Variants in AMZ1 observed in about 807,000 individuals in gnomAD.
AMZ1 encodes archaelysin family metallopeptidase 1.
AMZ1 carries 39 observed loss-of-function variants against 29.9 expected under a neutral mutation model. The observed-to-expected ratio is 1.30, with a 90% CI of 1.01 to 1.70. AMZ1 has a LOEUF of 1.70. AMZ1 is among the 40% of genes most tolerant of loss of function. AMZ1 has a pLI of 0.00. For missense variants in AMZ1, 1,041 were observed against 680.6 expected (o/e 1.53, Z -5.89); for synonymous variants, 458 against 304.0 (o/e 1.51, Z -5.27).
chr7:2,700,573 G>A lies in AMZ1; in HGVS notation c.122G>A (p.Arg41Gln), dbSNP rs370063647. 1.5e-5 allele frequency: 24 copies of A among 1,610,032 alleles called. No individual in the cohort carries two copies. Among genetic ancestry groups the A allele is most frequent in the Middle Eastern group, 1.6e-4 (1 of 6,084 alleles). ...GTGTCCGCCTTCTCCCCTGCCGAGC[G>A]GCTCTTCCTGGCCGAGGCCTACAAC... ...LYVSAFSPAERLFLAEAYNPQ... is the reference protein window; with the variant it reads ...LYVSAFSPAEQLFLAEAYNPQ... Residue 41 changes from arginine to glutamine, a missense_variant, in exon 2 of 7, where the codon CGG becomes CAG. Coordinates refer to ENST00000683327, the MANE Select transcript of AMZ1 (RefSeq NM_001384743.1).
intron 3 of AMZ1, among the ~76,000 whole-genome samples, chr7:2,707,592 G>A (rs1194052099): frequency 1.3e-5 from 2 of 152,046 alleles, no homozygotes; most frequent in Admixed American, 6.6e-5. Context: ...TTGCTAGCTT[G>A]GATGACCCAC....
upstream of AMZ1, among the ~76,000 whole-genome samples, chr7:2,687,454 C>CGAGG (rs1787125711): frequency 6.6e-6 from 1 of 152,128 alleles, no homozygotes; most frequent in African/African-American, 2.4e-5. Context: ...GGAGGCTGCC[C>CGAGG]GAGGGAAGCT....
chr7:2,720,501 T>C (rs149527493), downstream of AMZ1, among the ~76,000 whole-genome samples: 734 of 152,100 alleles, frequency 4.8e-3, 8 homozygotes, highest in African/African-American at 0.017. Flanking sequence ...CCTTCTGGGT[T>C]CAAACGATTC....
intron 4 of AMZ1, among the ~76,000 whole-genome samples, chr7:2,743,232 C>T (rs1412644474): frequency 1.3e-5 from 2 of 152,184 alleles, no homozygotes; most frequent in Admixed American, 1.3e-4. Context: ...AAGCAACCAC[C>T]AGCACAGGCA....
At chr7:2,720,528 C>T (rs936185001), downstream of AMZ1, among the ~76,000 whole-genome samples, 3 of 151,844 alleles carry the variant, frequency 2.0e-5, no homozygotes, top group Non-Finnish European at 4.4e-5. Context: ...CTCAGCCTCC[C>T]AAGTAGCTGG....
At chr7:2,679,830 G>C (rs1398289225) in intron 1 of AMZ1, among the ~76,000 whole-genome samples, 2 of 152,270 alleles carry the variant, frequency 1.3e-5, no homozygotes, top group Non-Finnish European at 2.9e-5. Flanking sequence ...AGAAAGGACA[G>C]AGTCTGGAGC....
In AMZ1 at chr7:2,715,953, C is replaced by T. The variant is rs1003678293; in HGVS notation, c.*3075C>T. ...AACACGTGCAAAGTCCACTGAATTG[C>T]TTTCTCGTCTCATCTGTCAGAAGCC... On this transcript the variant is annotated 3_prime_UTR_variant, in exon 7 of 7. Coordinates refer to ENST00000683327, the MANE Select transcript of AMZ1 (RefSeq NM_001384743.1). 3.3e-5 allele frequency: 5 copies of T among 152,224 alleles called. No homozygotes were observed. The highest frequency in any genetic ancestry group is 4.4e-5 in the Non-Finnish European group (3 of 68,046). 9.4% of individuals were successfully genotyped at this position (152,224 alleles called of 1,614,324 possible). A position where few individuals can be genotyped will look rare whatever the true frequency, so the allele number is the denominator to read the frequency against.
At chr7:2,698,020 A>G (rs770305567) in intron 1 of AMZ1, among the ~76,000 whole-genome samples, 4 of 152,242 alleles carry the variant, frequency 2.6e-5, no homozygotes, top group Non-Finnish European at 4.4e-5. Context: ...TATAAATTAC[A>G]TATATCAAAT....
At chr7:2,759,565 G>A (rs947670207) in intron 4 of AMZ1, among the ~76,000 whole-genome samples, 7 of 152,362 alleles carry the variant, frequency 4.6e-5, no homozygotes, top group African/African-American at 1.7e-4. Context: ...TAGTGGTGAC[G>A]CTGGGGTGGC....
At chr7:2,753,804 T>C (rs147347280) in intron 4 of AMZ1, among the ~76,000 whole-genome samples, 3,612 of 152,246 alleles carry the variant, frequency 0.024, 100 homozygotes, top group Middle Eastern at 0.075. Flanking sequence ...TAAGTTTTTG[T>C]TTCTTCAGTT....
Position 2,709,491 on chromosome 7 carries a change from C to T in AMZ1, c.772-149C>T, listed in dbSNP as rs553387559. On this transcript the variant is annotated intron_variant, in intron 5 of 6. Transcript: ENST00000683327. ...CTGGGGCCCTGAAAGTGGCCTGTGCCGCCTGGGGCAGGGGGAGGGCGCCTG... is the reference window on the plus strand; with the variant it reads ...CTGGGGCCCTGAAAGTGGCCTGTGCTGCCTGGGGCAGGGGGAGGGCGCCTG... 2.4e-4 allele frequency: 303 copies of T among 1,282,516 alleles called. 1 individual carries two copies. Among genetic ancestry groups the T allele is most frequent in the South Asian group, 1.5e-3 (97 of 66,724 alleles). The allele number at this position is 1,282,516 out of a possible 1,614,324, so 79.4% of individuals were successfully genotyped here.
rs540537228 is a variant in AMZ1 at position 2,709,061 on chromosome 7, C to T, written c.602-14C>T. On this transcript the variant is annotated splice_polypyrimidine_tract_variant and intron_variant, in intron 4 of 6. Coordinates refer to ENST00000683327, the MANE Select transcript of AMZ1 (RefSeq NM_001384743.1). ...CTGACCCCTGAGAGTGCCCTTCTCT[C>T]CATCTCTCTCCAGAAGTGGGCGTCT... The T allele has an allele frequency of 5.1e-6, 8 of 1,563,188 alleles. No individual in the cohort carries two copies. In the African/African-American group the frequency reaches 5.5e-5, roughly 11 times the overall value.
intron 4 of AMZ1, among the ~76,000 whole-genome samples, chr7:2,758,491 C>T (rs1238931533): frequency 6.6e-6 from 1 of 152,144 alleles, no homozygotes; most frequent in East Asian, 1.9e-4. Context: ...CAATTTCTTC[C>T]CCTGCAGCGT....
chr7:2,717,996 C>T lies in AMZ1; in HGVS notation c.*5118C>T, dbSNP rs71527405. Among the ~76,000 whole-genome samples, 2 of 152,132 alleles carry T rather than the reference C, an allele frequency of 1.3e-5. No homozygotes were observed. The highest frequency in any genetic ancestry group is 1.9e-4 in the East Asian group (1 of 5,192). On this transcript the variant is annotated 3_prime_UTR_variant, in exon 7 of 7. Coordinates refer to ENST00000683327, the MANE Select transcript of AMZ1 (RefSeq NM_001384743.1). ...AGCAAACACGGCGGCCCCTGCCTCC[C>T]CCGGCGGCTCCACAATGGCCCTCAG... is the stretch of plus-strand genomic sequence containing the variant.
At chr7:2,702,598 C>A (rs186729062) in intron 2 of AMZ1, 124 bp from the exon 3 acceptor site, 100 of 1,104,628 alleles carry the variant, frequency 9.1e-5, no homozygotes, top group Non-Finnish European at 1.2e-4. Context: ...GCTCTGCTTG[C>A]TGTCAGGGTA....
chr7:2,741,489 T>TA (rs1205606527), intron 4 of AMZ1, among the ~76,000 whole-genome samples: 6 of 152,204 alleles, frequency 3.9e-5, no homozygotes, highest in Non-Finnish European at 7.3e-5. Context: ...GACTGCCTGT[T>TA]AGCTTTCTAC....
rs1270678887 is a variant in AMZ1, at chr7:2,707,533, A to G, written c.473-1055A>G. Among the ~76,000 whole-genome samples, 3 of 151,572 alleles carry G rather than the reference A, an allele frequency of 2.0e-5. 1 individual carries two copies. Among genetic ancestry groups the G allele is most frequent in the Admixed American group, 2.0e-4 (3 of 15,192 alleles). On this transcript the variant is annotated intron_variant, in intron 3 of 6. Transcript: ENST00000683327. Reference sequence around the variant, plus strand: ...GGTTCAGCCCCTGGGCCTCTCCTGTATCTGTCCACACTCATGCTCCGGGGA... The same window carrying G: ...GGTTCAGCCCCTGGGCCTCTCCTGTGTCTGTCCACACTCATGCTCCGGGGA...
rs756257195 is a variant in AMZ1, at chr7:2,731,600, C to G, written n.550+21784C>G. The stretch of plus-strand genomic sequence containing the variant: ...ATGAACAGGATGGACGTGATCCCGT[C>G]GAAGCACTGGAACCACTTCTGGCGC... On this transcript the variant is annotated intron_variant and non_coding_transcript_variant, in intron 4 of 4. Transcript: ENST00000489665. This position sits in a 1 kb window ranked among gnomAD's most constrained non-coding sequence, Gnocchi z 6.0. 9 of 1,613,736 alleles carry G rather than the reference C, an allele frequency of 5.6e-6. No individual in the cohort carries two copies. The highest frequency in any genetic ancestry group is 6.8e-6 in the Non-Finnish European group (8 of 1,179,916).
At chr7:2,690,131 G>A (rs2041342) in intron 1 of AMZ1, among the ~76,000 whole-genome samples, 37,092 of 152,086 alleles carry the variant, frequency 0.24, 7,569 homozygotes, top group African/African-American at 0.55. Context: ...GGAGCTAAGC[G>A]TTCTCATTCC....
Sources: gnomAD v4.1 joint callset for allele counts (sites outside exome capture counted in the v4.1 genomes callset) on GRCh38, gnomAD v4.1.1 for gene constraint, Gnocchi (gnomAD v3.1) non-coding constraint, MANE v1.5 for transcripts, NCBI Gene and HGNC (gene_info 2026-07-23, HGNC 2026-07-21) for gene names.